The following ZNF827 variants were observed in gnomAD, a reference collection of about 807,000 sequenced individuals.
The protein encoded by ZNF827 is zinc finger protein 827.
A neutral mutation model predicts 102.4 loss-of-function variants in ZNF827; 13 were observed. That is an observed-to-expected ratio of 0.13 (90% CI 0.08 to 0.20). The LOEUF (loss-of-function observed/expected upper bound fraction) is 0.20. ZNF827 is among the 10% of genes least tolerant of loss of function. The pLI is 1.00. For synonymous variants in ZNF827, 523 were observed against 536.2 expected (o/e 0.98, Z 0.34); for missense variants, 1,103 against 1,344.4 (o/e 0.82, Z 2.81).
chr4:145,920,550 G>T (rs570195157), intron 1 of ZNF827, among the ~76,000 whole-genome samples: 1 of 152,206 alleles, frequency 6.6e-6, no homozygotes, highest in Non-Finnish European at 1.5e-5. Context: ...ACATTCACGC[G>T]AATGTCCAGG....
chr4:145,790,975 T>C (rs1351206625), intron 8 of ZNF827, among the ~76,000 whole-genome samples: 1 of 152,230 alleles, frequency 6.6e-6, no homozygotes, highest in Non-Finnish European at 1.5e-5. Flanking sequence ...TCCTACCTAT[T>C]TGATTAGGCA....
chr4:145,872,767 C>T (rs113007697), intron 4 of ZNF827, among the ~76,000 whole-genome samples: 91 of 151,124 alleles, frequency 6.0e-4, no homozygotes, highest in South Asian at 1.1e-3. Context: ...CCCAGCTACT[C>T]GGGAGACTGA....
chr4:145,910,959 T>G (rs977203510), intron 1 of ZNF827, among the ~76,000 whole-genome samples: 1 of 152,164 alleles, frequency 6.6e-6, no homozygotes, highest in African/African-American at 2.4e-5. Flanking sequence ...TCCTCGGCAT[T>G]TAGGTTGGTA....
In ZNF827 at chr4:145,801,223, T is replaced by C. The variant is rs186896021; in HGVS notation, c.2384-21712A>G. ...TAGAATCTCTAATGGTAGTAGGGAA[T>C]TTGACCCTTTCAGAATCAAGACCAT... On this transcript the variant is annotated intron_variant, in intron 8 of 14. Transcript: ENST00000508784. Among the ~76,000 whole-genome samples the C allele has an allele frequency of 3.7e-3, 570 of 152,296 alleles. 2 individuals carry two copies. Among genetic ancestry groups the C allele is most frequent in the Non-Finnish European group, 3.8e-3 (261 of 68,028 alleles).
At chr4:145,915,810 C>T (rs1752628160) in intron 1 of ZNF827, among the ~76,000 whole-genome samples, 1 of 152,206 alleles carries the variant, frequency 6.6e-6, no homozygotes, top group African/African-American at 2.4e-5. Flanking sequence ...AAATTTCCCT[C>T]CAGCTGTAAG....
chr4:145,791,406 T>A (rs946070037), intron 8 of ZNF827, among the ~76,000 whole-genome samples: 1 of 152,168 alleles, frequency 6.6e-6, no homozygotes, highest in Admixed American at 6.5e-5. Flanking sequence ...GATTTTAATG[T>A]ATGAATTGAA....
chr4:145,845,805 A>C, intron 7 of ZNF827, 151 bp downstream of exon 7: 1 of 716,438 alleles, frequency 1.4e-6, no homozygotes, highest in South Asian at 1.9e-5. Flanking sequence ...TGTTTCTACC[A>C]ACCAAGAAAT....
intron 2 of ZNF827, among the ~76,000 whole-genome samples, chr4:145,899,023 T>C (rs574988938): frequency 3.1e-4 from 47 of 152,312 alleles, no homozygotes; most frequent in Non-Finnish European, 6.0e-4. Context: ...TTTATTTTTG[T>C]GGCTTTTTGT....
intron 5 of ZNF827, among the ~76,000 whole-genome samples, chr4:145,855,564 G>T (rs1747007322): frequency 7.1e-6 from 1 of 140,468 alleles, no homozygotes; most frequent in Non-Finnish European, 1.5e-5. Flanking sequence ...ATCTGATAAA[G>T]GCAAGATGCC....
intron 1 of ZNF827, among the ~76,000 whole-genome samples, chr4:145,908,311 A>AGAACAGGACTT (rs1752030350): frequency 6.6e-6 from 1 of 152,212 alleles, no homozygotes; most frequent in African/African-American, 2.4e-5. Flanking sequence ...GGTTTTAATG[A>AGAACAGGACTT]GAACAGGACT....
At chr4:145,780,951 C>T (rs1737882731) in intron 8 of ZNF827, among the ~76,000 whole-genome samples, 1 of 152,218 alleles carries the variant, frequency 6.6e-6, no homozygotes, top group Non-Finnish European at 1.5e-5. Context: ...AATCCCAGCA[C>T]TTCGGGAGGC....
At chr4:145,938,156 A>G (rs1287517445) in intron 1 of ZNF827, among the ~76,000 whole-genome samples, 1 of 151,736 alleles carries the variant, frequency 6.6e-6, no homozygotes, top group Non-Finnish European at 1.5e-5. Context: ...AAAAAGAGAG[A>G]GAGAATAGAA....
chr4:145,823,330 C>G (rs979872091), intron 8 of ZNF827, 92 bp downstream of exon 8: 1 of 1,064,934 alleles, frequency 9.4e-7, no homozygotes, highest in Admixed American at 1.9e-5. Context: ...TAACTACATC[C>G]GTAAGCTGAA....
chr4:145,806,247 G>T (rs1033229554), intron 8 of ZNF827, among the ~76,000 whole-genome samples: 2 of 150,352 alleles, frequency 1.3e-5, no homozygotes, highest in Non-Finnish European at 2.9e-5. Context: ...TGCCTCCTGG[G>T]CTCAAACCAT....
At chr4:145,934,045 TAG>T (rs1753988145) in intron 1 of ZNF827, among the ~76,000 whole-genome samples, 1 of 152,166 alleles carries the variant, frequency 6.6e-6, no homozygotes, top group African/African-American at 2.4e-5. Context: ...TTTTTAAATA[TAG>T]TATTGGACCT....
chr4:145,856,721 ACACCC>A (rs1415071278), intron 5 of ZNF827, among the ~76,000 whole-genome samples: 5 of 122,696 alleles, frequency 4.1e-5, no homozygotes, highest in African/African-American at 6.5e-5. Context: ...ACACACACAC[ACACCC>A]CATTTCACTC....
intron 1 of ZNF827, among the ~76,000 whole-genome samples, chr4:145,926,225 A>G (rs1336475653): frequency 1.3e-5 from 2 of 152,242 alleles, no homozygotes; most frequent in Non-Finnish European, 2.9e-5. Context: ...CAAGCTGAGA[A>G]TTTAGGATGA....
chr4:145,930,188 A>G (rs888668969), intron 1 of ZNF827, among the ~76,000 whole-genome samples: 1 of 152,240 alleles, frequency 6.6e-6, no homozygotes, highest in African/African-American at 2.4e-5. Flanking sequence ...AGCACTATGT[A>G]ACCTTAGAAA....
At chr4:145,836,492 C>T (rs982832452) in intron 7 of ZNF827, among the ~76,000 whole-genome samples, 3 of 152,220 alleles carry the variant, frequency 2.0e-5, no homozygotes, top group Non-Finnish European at 4.4e-5. Flanking sequence ...AATGTATTGT[C>T]TTCCTCATAC....
Sources: gnomAD v4.1 joint callset for allele counts (sites outside exome capture counted in the v4.1 genomes callset) on GRCh38, gnomAD v4.1.1 for gene constraint, MANE v1.5 for transcripts, NCBI Gene and HGNC (gene_info 2026-07-23, HGNC 2026-07-21) for gene names.